IL1RAPL1: variants seen among roughly 807,000 people sequenced by gnomAD.
The protein encoded by IL1RAPL1 is interleukin 1 receptor accessory protein like 1, also known as interleukin-1 receptor accessory protein-like 1.
A neutral mutation model predicts 48.4 loss-of-function variants in IL1RAPL1; 3 were observed. The ratio of observed to expected loss-of-function variants is 0.06; its 90% CI spans 0.03 to 0.16. The LOEUF (loss-of-function observed/expected upper bound fraction) is 0.16, where lower values mean the gene tolerates loss of function less well. IL1RAPL1 is among the 10% of genes least tolerant of loss of function. The pLI is 1.00. For missense variants in IL1RAPL1, 349 were observed against 530.6 expected, an observed-to-expected ratio of 0.66 and a Z score of 3.36; for synonymous variants, 185 against 187.7, an observed-to-expected ratio of 0.99 and a Z score of 0.12.
intron 2 of IL1RAPL1, among the ~76,000 whole-genome samples, chrX:29,168,668 A>AC (rs1929839923): frequency 1.1e-5 from 1 of 94,325 alleles, no homozygotes; most frequent in Non-Finnish European, 2.1e-5. Flanking sequence ...TATTGTATAT[A>AC]TATTGTATAT....
At chrX:29,251,803 C>A (rs1931623964) in intron 2 of IL1RAPL1, among the ~76,000 whole-genome samples, 1 of 111,051 alleles carries the variant, frequency 9.0e-6, no homozygotes, top group African/African-American at 3.3e-5. Context: ...TCCAGTAGGA[C>A]TTCCGTGACA....
At chrX:29,114,070 T>C (rs891779433) in intron 2 of IL1RAPL1, among the ~76,000 whole-genome samples, 11 of 111,842 alleles carry the variant, frequency 9.8e-5, no homozygotes, top group African/African-American at 3.6e-4. Context: ...ATAATATTAG[T>C]TTATGATTTT....
At chrX:28,697,474 G>T (rs138406180) in intron 1 of IL1RAPL1, among the ~76,000 whole-genome samples, 6,613 of 110,507 alleles carry the variant, frequency 0.06, 378 homozygotes, top group East Asian at 0.32. Context: ...AAAAACATAT[G>T]TAATCTTTTA....
chrX:29,940,398 C>T (rs1251705360), intron 8 of IL1RAPL1, among the ~76,000 whole-genome samples: 1 of 111,823 alleles, frequency 8.9e-6, no homozygotes, highest in African/African-American at 3.3e-5. Context: ...TCAGTCTAAG[C>T]TTACATTGAC....
At chrX:29,356,775 A>T (rs188973145) in intron 3 of IL1RAPL1, among the ~76,000 whole-genome samples, 214 of 111,292 alleles carry the variant, frequency 1.9e-3, no homozygotes, top group Middle Eastern at 4.6e-3. Flanking sequence ...TCTCTGAGAT[A>T]TACATGTGGG....
At chrX:29,695,766 A>G (rs147740540) in intron 6 of IL1RAPL1, among the ~76,000 whole-genome samples, 1,879 of 111,414 alleles carry the variant, frequency 0.017, 46 homozygotes, top group African/African-American at 0.059. Flanking sequence ...GTTACAACAT[A>G]TGAATTCTGC....
intron 3 of IL1RAPL1, among the ~76,000 whole-genome samples, chrX:29,312,594 C>T (rs1051840875): frequency 1.8e-5 from 2 of 111,747 alleles, no homozygotes; most frequent in African/African-American, 3.3e-5. Context: ...CTGATTTTTA[C>T]AGATTGATTT....
intron 3 of IL1RAPL1, among the ~76,000 whole-genome samples, chrX:29,357,668 A>G (rs1391973622): frequency 1.8e-5 from 2 of 112,098 alleles, no homozygotes; most frequent in Non-Finnish European, 3.8e-5. Context: ...AAGCAGCTGG[A>G]AAATAATGTA....
chrX:29,333,438 G>T (rs1311183791), intron 3 of IL1RAPL1, among the ~76,000 whole-genome samples: 1 of 86,519 alleles, frequency 1.2e-5, no homozygotes, highest in African/African-American at 4.1e-5. Flanking sequence ...GGACGGGGCG[G>T]CTGGCCGGGC....
intron 2 of IL1RAPL1, among the ~76,000 whole-genome samples, chrX:29,155,229 C>T (rs1289728126): frequency 2.7e-5 from 3 of 110,929 alleles, no homozygotes; most frequent in Non-Finnish European, 5.7e-5. Flanking sequence ...TCAGGCTGGT[C>T]TCAAACTCAT....
At chrX:29,801,025 A>C (rs1455086541) in intron 6 of IL1RAPL1, among the ~76,000 whole-genome samples, 2 of 75,541 alleles carry the variant, frequency 2.6e-5, no homozygotes, top group African/African-American at 4.8e-5. Context: ...AAAAAAAAAA[A>C]AAAAAAAAAC....
In IL1RAPL1 at chrX:29,053,786, G is replaced by A. The variant is rs111337079; in HGVS notation, c.83-229152G>A. On this transcript the variant is annotated intron_variant, in intron 2 of 10. Coordinates refer to ENST00000378993, the MANE Select transcript of IL1RAPL1 (RefSeq NM_014271.4). ...GGTCCAGTTTCAGTCTTCTGCATAT[G>A]GCTAGTCAGTTATCTTAGCACCATT... Among the ~76,000 whole-genome samples, 370 of 110,317 alleles carry A rather than the reference G, an allele frequency of 3.4e-3. 4 individuals carry two copies. Among genetic ancestry groups the A allele is most frequent in the African/African-American group, 0.012 (357 of 30,057 alleles).
intron 2 of IL1RAPL1, among the ~76,000 whole-genome samples, chrX:29,062,888 T>A (rs1349232172): frequency 9.0e-6 from 1 of 111,708 alleles, no homozygotes; most frequent in Non-Finnish European, 1.9e-5. Context: ...TGGAAAAAAT[T>A]GCAAAGTCTC....
intron 5 of IL1RAPL1, among the ~76,000 whole-genome samples, chrX:29,445,436 T>A (rs1934601225): frequency 8.9e-6 from 1 of 112,246 alleles, no homozygotes. Flanking sequence ...CTTTAACTTT[T>A]ACTTACCAGT....
chrX:29,163,851 A>T (rs1929734401), intron 2 of IL1RAPL1, among the ~76,000 whole-genome samples: 1 of 112,074 alleles, frequency 8.9e-6, no homozygotes, highest in Admixed American at 9.5e-5. Context: ...AATTTCTGGT[A>T]GAAAATATCA....
At chrX:28,659,149 G>T (rs926969663) in intron 1 of IL1RAPL1, 107 of 660,518 alleles carry the variant, frequency 1.6e-4, no homozygotes, top group Non-Finnish European at 2.3e-4. Flanking sequence ...CACACAGGTT[G>T]GTGTCTTCAA....
Position 28,934,428 on chromosome X carries a change from T to G in IL1RAPL1, c.82+145003T>G, listed in dbSNP as rs113180762. Among the ~76,000 whole-genome samples the G allele has an allele frequency of 5.8e-3, 646 of 111,269 alleles. 5 individuals carry two copies. Among genetic ancestry groups the G allele is most frequent in the African/African-American group, 0.02 (609 of 30,650 alleles). On this transcript the variant is annotated intron_variant, in intron 2 of 10. Transcript: ENST00000378993. ...TGCCTTTAAAGTGTACAATTAAATT[T>G]TTTTTAGTATATTTACATAGTTGTG...
intron 2 of IL1RAPL1, among the ~76,000 whole-genome samples, chrX:28,872,731 AT>A (rs1339484064): frequency 8.9e-6 from 1 of 112,058 alleles, no homozygotes; most frequent in African/African-American, 3.2e-5. Flanking sequence ...TCTTTAAGTC[AT>A]TTTGTCCTCA....
At chrX:29,571,077 C>T (rs995943605) in intron 5 of IL1RAPL1, among the ~76,000 whole-genome samples, 2 of 110,833 alleles carry the variant, frequency 1.8e-5, no homozygotes, top group Non-Finnish European at 3.8e-5. Context: ...AAAAAATTAG[C>T]CAGACGTGGT....
Sources: gnomAD v4.1 joint callset for allele counts (sites outside exome capture counted in the v4.1 genomes callset) on GRCh38, gnomAD v4.1.1 for gene constraint, MANE v1.5 for transcripts, NCBI Gene and HGNC (gene_info 2026-07-23, HGNC 2026-07-21) for gene names.